The following HDAC9 variants were observed in gnomAD, a reference collection of about 807,000 sequenced individuals.
The protein encoded by HDAC9 is histone deacetylase 9.
A neutral mutation model predicts 139.4 loss-of-function variants in HDAC9; 41 were observed. That is an observed-to-expected ratio of 0.29 (90% confidence interval 0.23 to 0.38). The LOEUF (loss-of-function observed/expected upper bound fraction) is 0.38. HDAC9 is among the 10% of genes least tolerant of loss of function. The probability of loss-of-function intolerance (pLI) is 1.00; values close to 1 mark genes in which losing one functional copy is unlikely to be tolerated. For missense variants in HDAC9, 1,147 were observed against 1,297.0 expected (o/e 0.88, Z 1.78); for synonymous variants, 517 against 476.2 (o/e 1.09, Z -1.12).
rs1783564540 is a variant in HDAC9 at position 18,110,803 on chromosome 7, AAACTG to A, written c.-97+23592_-97+23596del. Among the ~76,000 whole-genome samples the A allele has an allele frequency of 2.0e-5, 3 of 152,210 alleles. No individual in the cohort carries two copies. In the South Asian group the frequency reaches 6.2e-4, roughly 32 times the overall value. On this transcript the variant is annotated intron_variant, in intron 1 of 12. Coordinates refer to the HDAC9 transcript ENST00000417496. ...CAGCGGTCCAGCCAACGGGGAGTCT[AAACTG>A]AGGTAGTAATTGTGATGATGGGGAA...
At chr7:18,794,849 AG>A (rs1206073513) in intron 17 of HDAC9, among the ~76,000 whole-genome samples, 3 of 152,210 alleles carry the variant, frequency 2.0e-5, no homozygotes, top group African/African-American at 7.2e-5. Flanking sequence ...ATAATTTTAA[AG>A]ATTATGCTGG....
chr7:18,542,869 A>T (rs1190289138), intron 2 of HDAC9, among the ~76,000 whole-genome samples: 1 of 152,202 alleles, frequency 6.6e-6, no homozygotes, highest in South Asian at 2.1e-4. Flanking sequence ...TTAATGAAGT[A>T]TATTAATTAC....
intron 1 of HDAC9, among the ~76,000 whole-genome samples, chr7:18,416,251 G>A (rs1406810257): frequency 2.6e-5 from 4 of 151,908 alleles, no homozygotes. Flanking sequence ...AGCCGAGATC[G>A]TGCCATTATA....
intron 16 of HDAC9, among the ~76,000 whole-genome samples, chr7:18,776,478 C>T: frequency 6.6e-6 from 1 of 152,094 alleles, no homozygotes; most frequent in Middle Eastern, 3.4e-3. Context: ...TATTGTATGC[C>T]TGGAACTGCA....
chr7:18,307,057 G>T (rs975436844), intron 1 of HDAC9, among the ~76,000 whole-genome samples: 1 of 151,106 alleles, frequency 6.6e-6, no homozygotes, highest in African/African-American at 2.4e-5. Flanking sequence ...AATTTATTGT[G>T]TGTTTATATC....
At chr7:18,928,185 C>A (rs567435199) in intron 22 of HDAC9, among the ~76,000 whole-genome samples, 2 of 152,316 alleles carry the variant, frequency 1.3e-5, no homozygotes, top group East Asian at 3.9e-4. Context: ...CCTACTACAG[C>A]ATTAACTCAG....
chr7:18,538,958 G>T (rs1398275939), intron 2 of HDAC9, among the ~76,000 whole-genome samples: 2 of 152,148 alleles, frequency 1.3e-5, no homozygotes, highest in East Asian at 1.9e-4. Context: ...CACATGATGA[G>T]AGGGCAAGAG....
At chr7:18,270,098 A>C (rs1341184563) in intron 2 of HDAC9, among the ~76,000 whole-genome samples, 1 of 152,032 alleles carries the variant, frequency 6.6e-6, no homozygotes, top group Non-Finnish European at 1.5e-5. Context: ...ACAACCAAAA[A>C]TGTCTTTAGG....
At chr7:18,442,435 T>A (rs1791875132) in intron 1 of HDAC9, among the ~76,000 whole-genome samples, 1 of 152,218 alleles carries the variant, frequency 6.6e-6, no homozygotes, top group Non-Finnish European at 1.5e-5. Context: ...TCACATTCCT[T>A]CAAAGCTGAG....
At chr7:18,960,197 G>T (rs984889152) in intron 24 of HDAC9, among the ~76,000 whole-genome samples, 1 of 152,078 alleles carries the variant, frequency 6.6e-6, no homozygotes, top group Non-Finnish European at 1.5e-5. Flanking sequence ...TATCTCCATG[G>T]TTCCATACCA....
At chr7:18,827,829 A>G (rs1431825960) in intron 17 of HDAC9, among the ~76,000 whole-genome samples, 1 of 152,118 alleles carries the variant, frequency 6.6e-6, no homozygotes, top group African/African-American at 2.4e-5. Flanking sequence ...CAAATTCTCT[A>G]TTCTCAGAAG....
intron 14 of HDAC9, among the ~76,000 whole-genome samples, chr7:18,755,574 A>G (rs1788802829): frequency 6.6e-6 from 1 of 152,190 alleles, no homozygotes; most frequent in Non-Finnish European, 1.5e-5. Flanking sequence ...TACAATTTTT[A>G]GAAAGAATAA....
intron 1 of HDAC9, among the ~76,000 whole-genome samples, chr7:18,416,374 T>G (rs1789067035): frequency 6.6e-6 from 1 of 152,164 alleles, no homozygotes; most frequent in African/African-American, 2.4e-5. Flanking sequence ...TTCTGTAGTT[T>G]TTTTGTAATA....
intron 1 of HDAC9, among the ~76,000 whole-genome samples, chr7:18,380,635 C>T (rs1045803920): frequency 2.6e-5 from 4 of 152,194 alleles, no homozygotes; most frequent in African/African-American, 9.7e-5. Flanking sequence ...ATGGTCTTCA[C>T]TGAGCTGAAA....
chr7:18,962,180 C>CCTGACTGTTGTCAGGTGGGAG (rs1217769934), intron 24 of HDAC9, among the ~76,000 whole-genome samples: 22 of 152,208 alleles, frequency 1.4e-4, no homozygotes, highest in African/African-American at 4.6e-4. Context: ...AGTTTAAAGC[C>CCTGACTGTTGTCAGGTGGGAG]CTGACTGTTG....
intron 1 of HDAC9, among the ~76,000 whole-genome samples, chr7:18,097,278 T>C (rs549586650): frequency 1.0e-3 from 156 of 152,300 alleles, no homozygotes; most frequent in African/African-American, 3.6e-3. Flanking sequence ...ATGGATGAAG[T>C]GAGTTTATCA....
intron 12 of HDAC9, chr7:18,666,706 C>G (rs1335731849): frequency 1.3e-5 from 17 of 1,305,862 alleles, no homozygotes; most frequent in Non-Finnish European, 1.7e-5. Flanking sequence ...TGAAAATCCA[C>G]TGGTAAGGAA....
chr7:18,130,355 A>G (rs1163024443), intron 1 of HDAC9, among the ~76,000 whole-genome samples: 1 of 152,138 alleles, frequency 6.6e-6, no homozygotes, highest in Non-Finnish European at 1.5e-5. Context: ...AAAGGTAAGC[A>G]TGAGGAATAG....
At chr7:18,199,338 T>A (rs1249134241) in intron 2 of HDAC9, among the ~76,000 whole-genome samples, 1 of 152,200 alleles carries the variant, frequency 6.6e-6, no homozygotes, top group Non-Finnish European at 1.5e-5. Context: ...AATTTATCCT[T>A]GGATTCATTT....
Sources: gnomAD v4.1 joint callset for allele counts (sites outside exome capture counted in the v4.1 genomes callset) on GRCh38, gnomAD v4.1.1 for gene constraint, MANE v1.5 for transcripts, NCBI Gene and HGNC (gene_info 2026-07-23, HGNC 2026-07-21) for gene names.